SERPINE3: variants seen among roughly 807,000 people sequenced by gnomAD.
The protein encoded by SERPINE3 is serpin family E member 3.
Under a neutral mutation model 41.7 loss-of-function variants are expected in SERPINE3, and 43 were observed. The observed-to-expected ratio is 1.03, with a 90% CI of 0.81 to 1.33. The LOEUF is 1.33. Among genes scored for constraint, SERPINE3 ranks in the 40% most tolerant of loss-of-function variants. SERPINE3 has a pLI of 0.00. For missense variants in SERPINE3, 440 were observed against 491.7 expected (o/e 0.89, Z 0.99); for synonymous variants, 200 against 192.2 (o/e 1.04, Z -0.34).
At position 51,355,081 on chromosome 13, in the gene SERPINE3, T is replaced by A; in HGVS notation, c.938T>A (p.Leu313Ter). ...AATCAATTCAACTTAAAAAGCATTT[T>A]AAATTCTTGGGGAGTCACCGATCTT... ...IQNQFNLKSILNSWGVTDLFD... is the reference protein window; with the variant it reads ...IQNQFNLKSI The change falls in exon 7 of 10, where the codon TTA (leucine) becomes TAA (stop). Residue 313 changes from leucine to a stop codon, truncating the protein, a stop_gained. Coordinates refer to ENST00000681248, the MANE Select transcript of SERPINE3 (RefSeq NM_001386375.1). LOFTEE classifies it high-confidence loss of function. The A allele has an allele frequency of 2.6e-6, 4 of 1,551,152 alleles. No homozygotes were observed. The South Asian group carries it at 4.8e-5, about 18-fold the overall frequency.
At chr13:51,342,259 A>G (rs1350547274) in intron 3 of SERPINE3, among the ~76,000 whole-genome samples, 1 of 151,066 alleles carries the variant, frequency 6.6e-6, no homozygotes, top group Non-Finnish European at 1.5e-5. Context: ...TGTCCTAGGC[A>G]GGGTCATCCC....
rs190736845 is a variant in SERPINE3, at chr13:51,347,255, T to C, written c.700+21T>C. The C allele has an allele frequency of 8.0e-5, 128 of 1,608,602 alleles. 2 individuals are homozygous for C. The East Asian group carries it at 2.8e-3, about 35-fold the overall frequency. On this transcript the variant is annotated intron_variant, in intron 5 of 9. Transcript: ENST00000681248. ...CTACGGTGAGCTCTGCCCCTGCTGG[T>C]TTGTCTAAAGGGAGAGGAAGCCTGG...
intron 6 of SERPINE3, among the ~76,000 whole-genome samples, chr13:51,352,910 G>A (rs527468832): frequency 5.3e-5 from 8 of 152,082 alleles, no homozygotes; most frequent in African/African-American, 1.9e-4. Flanking sequence ...ATATTAATTG[G>A]TTTTCATATG....
intron 7 of SERPINE3, among the ~76,000 whole-genome samples, chr13:51,355,631 A>T (rs1174335749): frequency 1.3e-5 from 2 of 152,112 alleles, no homozygotes; most frequent in African/African-American, 4.8e-5. Context: ...CCATACTCTT[A>T]CAACCTTGCC....
chr13:51,361,449 T>C, intron 8 of SERPINE3, 85 bp downstream of exon 8: 2 of 859,584 alleles, frequency 2.3e-6, no homozygotes, highest in Non-Finnish European at 3.8e-6. Context: ...CACTTCTGAA[T>C]CTTTCCATAA....
chr13:51,351,398 A>G (rs9563047), intron 6 of SERPINE3, among the ~76,000 whole-genome samples: 3,817 of 152,212 alleles, frequency 0.025, 62 homozygotes, highest in South Asian at 0.056. Context: ...CCTAATGACT[A>G]ATGAGGTAGA....
chr13:51,345,392 A>G (rs1023057559), intron 4 of SERPINE3, among the ~76,000 whole-genome samples: 6 of 152,142 alleles, frequency 3.9e-5, no homozygotes, highest in Admixed American at 1.3e-4. Context: ...CAGGAGTTTG[A>G]GACTAGCCTG....
At chr13:51,344,050 C>T (rs1593636470) in intron 3 of SERPINE3, among the ~76,000 whole-genome samples, 1 of 152,166 alleles carries the variant, frequency 6.6e-6, no homozygotes, top group East Asian at 1.9e-4. Context: ...ATGGTTTCTT[C>T]CCAACTTTTA....
intron 4 of SERPINE3, among the ~76,000 whole-genome samples, chr13:51,345,191 G>A (rs908806692): frequency 3.3e-5 from 5 of 152,264 alleles, no homozygotes; most frequent in Admixed American, 1.3e-4. Context: ...TTCTATAAAT[G>A]GAGAAACTGA....
At chr13:51,344,190 G>GGTTGTGCTA (rs908004875) in intron 3 of SERPINE3, 62 bp from the exon 4 acceptor site, 2 of 1,199,560 alleles carry the variant, frequency 1.7e-6, no homozygotes, top group Non-Finnish European at 2.4e-6. Flanking sequence ...GTGTGCTGGA[G>GGTTGTGCTA]GTTGTGCTAA....
At chr13:51,342,840 G>A (rs1298888945) in intron 3 of SERPINE3, among the ~76,000 whole-genome samples, 1 of 152,148 alleles carries the variant, frequency 6.6e-6, no homozygotes, top group African/African-American at 2.4e-5. Context: ...CTGATTATAA[G>A]TATGTTTTTA....
intron 7 of SERPINE3, among the ~76,000 whole-genome samples, chr13:51,355,344 T>G (rs1955465016): frequency 1.3e-5 from 2 of 152,188 alleles, no homozygotes; most frequent in African/African-American, 4.8e-5. Context: ...TCTTCAGGCC[T>G]TAATCATGGT....
At position 51,341,349 on chromosome 13, in the gene SERPINE3, T is replaced by C; in HGVS notation, c.256+2T>C. On this transcript the variant is annotated splice_donor_variant, in intron 3 of 9. Transcript: ENST00000681248. LOFTEE classifies it high-confidence loss of function. ...ATGCCCTGGGGTACACTGTCCATGG[T>C]AAGAGGCCTGCCCACGTGCACACTC... 6.3e-7 allele frequency: 1 copy of C among 1,587,324 alleles called. No individual in the cohort carries two copies. Among genetic ancestry groups the C allele is most frequent in the Non-Finnish European group, 8.6e-7 (1 of 1,165,550 alleles).
chr13:51,347,352 C>A, intron 5 of SERPINE3, 118 bp downstream of exon 5: 2 of 846,770 alleles, frequency 2.4e-6, no homozygotes, highest in South Asian at 3.2e-5. Flanking sequence ...CAGGGTCCAT[C>A]TGCTGGACTG....
chr13:51,354,482 AC>A (rs1955450380), intron 6 of SERPINE3: 1 of 152,156 alleles, frequency 6.6e-6, no homozygotes, highest in Non-Finnish European at 1.5e-5. Context: ...GGAGCCTGGC[AC>A]AGTGGGGCAC....
At chr13:51,341,898 G>C (rs1454248109) in intron 3 of SERPINE3, among the ~76,000 whole-genome samples, 1 of 152,206 alleles carries the variant, frequency 6.6e-6, no homozygotes, top group Non-Finnish European at 1.5e-5. Context: ...CCTGGTTTAA[G>C]AGCCCATGCT....
At chr13:51,350,669 C>G (rs1036135365) in intron 6 of SERPINE3, among the ~76,000 whole-genome samples, 22 of 151,986 alleles carry the variant, frequency 1.4e-4, no homozygotes, top group African/African-American at 5.1e-4. Flanking sequence ...TAAAATTCAC[C>G]ATTTTAAAGT....
chr13:51,363,186 A>G (rs989339504), intron 9 of SERPINE3: 1 of 151,986 alleles, frequency 6.6e-6, no homozygotes, highest in African/African-American at 2.4e-5. Context: ...GTGCATAAAA[A>G]TGATGTAAAA....
chr13:51,361,354 T>G lies in SERPINE3; in HGVS notation c.1077T>G (p.Ser359=), dbSNP rs749382475. ...TTTTGGAGGAAGGCACCAAGGCATC[T>G]GGAGCCACAGGTATGTTCAGAGAAT... is the stretch of plus-strand genomic sequence containing the variant. ...IEVLEEGTKA[S]GATALLLLKR... The change falls in exon 8 of 10, where the codon TCT becomes TCG. Residue 359 remains serine, a synonymous_variant. Coordinates refer to ENST00000681248, the MANE Select transcript of SERPINE3 (RefSeq NM_001386375.1). 17 of 1,604,828 alleles carry G rather than the reference T, an allele frequency of 1.1e-5. No individual in the cohort carries two copies. Among genetic ancestry groups the G allele is most frequent in the South Asian group, 5.5e-5 (5 of 90,284 alleles).
Sources: allele counts gnomAD v4.1 joint callset (sites outside exome capture counted in the v4.1 genomes callset), GRCh38; gene constraint gnomAD v4.1.1; transcripts MANE v1.5; gene names NCBI Gene and HGNC (gene_info 2026-07-23, HGNC 2026-07-21).